Variants in CALN1 observed in about 807,000 individuals in gnomAD.
CALN1 encodes calcium-binding protein 8.
CALN1 carries 17 observed loss-of-function variants against 30.6 expected under a neutral mutation model. The ratio of observed to expected loss-of-function variants is 0.56; its 90% CI spans 0.38 to 0.83. CALN1 has a LOEUF of 0.83. Among genes scored for constraint, CALN1 ranks in the 40% least tolerant of loss-of-function variants. The pLI, the probability that CALN1 is intolerant of heterozygous loss-of-function variation, is 0.00. For synonymous variants in CALN1, 156 were observed against 131.4 expected, an observed-to-expected ratio of 1.19 and a Z score of -1.28; for missense variants, 291 against 354.9, an observed-to-expected ratio of 0.82 and a Z score of 1.45.
chr7:72,278,553 T>G, intron 3 of CALN1, 133 bp downstream of exon 3: 1 of 1,194,066 alleles, frequency 8.4e-7, no homozygotes, highest in South Asian at 1.4e-5. Flanking sequence ...CTCTTTCCCA[T>G]TATGCCATGG....
intron 2 of CALN1, among the ~76,000 whole-genome samples, chr7:72,342,263 A>G (rs1352507055): frequency 6.6e-6 from 1 of 151,566 alleles, no homozygotes; most frequent in Non-Finnish European, 1.5e-5. Flanking sequence ...TGTCTCAAAA[A>G]AAAAAAAAAA....
At chr7:72,073,735 C>T (rs1804553321) in intron 4 of CALN1, among the ~76,000 whole-genome samples, 1 of 151,642 alleles carries the variant, frequency 6.6e-6, no homozygotes, top group South Asian at 2.1e-4. Context: ...ATTCTGTCAC[C>T]CAGGCTGGAG....
intron 6 of CALN1, among the ~76,000 whole-genome samples, chr7:71,806,641 A>C (rs367740967): frequency 6.6e-6 from 1 of 152,324 alleles, no homozygotes; most frequent in South Asian, 2.1e-4. Flanking sequence ...TGAACAGTAT[A>C]AAACATTAAG....
chr7:71,815,565 ATGCT>A (rs1461654099), intron 5 of CALN1, among the ~76,000 whole-genome samples: 2 of 152,186 alleles, frequency 1.3e-5, no homozygotes, highest in African/African-American at 4.8e-5. Context: ...TGAGAAATAA[ATGCT>A]TGCTGCTAAC....
At chr7:72,379,549 C>A (rs554007049) in intron 2 of CALN1, among the ~76,000 whole-genome samples, 21 of 152,328 alleles carry the variant, frequency 1.4e-4, no homozygotes, top group African/African-American at 5.0e-4. Flanking sequence ...CTGACTATAG[C>A]TGGCAATTTC....
chr7:72,381,758 T>C (rs1317984535), intron 2 of CALN1, among the ~76,000 whole-genome samples: 1 of 152,114 alleles, frequency 6.6e-6, no homozygotes, highest in Non-Finnish European at 1.5e-5. Context: ...CATGCAGGGC[T>C]TAAAACCTAG....
intron 3 of CALN1, among the ~76,000 whole-genome samples, chr7:72,253,151 C>CTGATTGATCATTTTGGTTT (rs1795681624): frequency 6.6e-6 from 1 of 152,128 alleles, no homozygotes; most frequent in Non-Finnish European, 1.5e-5. Context: ...GGACCTCTGT[C>CTGATTGATCATTTTGGTTT]TGATTGATCA....
intron 3 of CALN1, among the ~76,000 whole-genome samples, chr7:72,191,269 C>G (rs17144373): frequency 6.6e-6 from 1 of 151,818 alleles, no homozygotes; most frequent in Non-Finnish European, 1.5e-5. Flanking sequence ...GCAATTTAGG[C>G]GGAAGCTACA....
chr7:72,319,022 C>T (rs1800689382), intron 2 of CALN1, among the ~76,000 whole-genome samples: 1 of 152,020 alleles, frequency 6.6e-6, no homozygotes, highest in Non-Finnish European at 1.5e-5. Context: ...TCCAACAATC[C>T]CACTACTGGG....
At chr7:72,004,419 A>G (rs1210082923) in intron 5 of CALN1, among the ~76,000 whole-genome samples, 1 of 152,218 alleles carries the variant, frequency 6.6e-6, no homozygotes, top group Admixed American at 6.5e-5. Flanking sequence ...TAAAACATAG[A>G]ACTATAAAAC....
At chr7:72,074,440 C>T (rs1852088) in intron 4 of CALN1, among the ~76,000 whole-genome samples, 34,448 of 151,986 alleles carry the variant, frequency 0.23, 4,853 homozygotes, top group East Asian at 0.69. Context: ...CAGGGTCTCG[C>T]TCTGTCAACC....
chr7:71,961,769 T>C (rs906172420), intron 5 of CALN1, among the ~76,000 whole-genome samples: 1 of 152,052 alleles, frequency 6.6e-6, no homozygotes, highest in South Asian at 2.1e-4. Flanking sequence ...GGCAAGAAAT[T>C]CAAGGGCAGC....
At chr7:72,127,838 C>A (rs1281858292) in intron 3 of CALN1, among the ~76,000 whole-genome samples, 1 of 152,070 alleles carries the variant, frequency 6.6e-6, no homozygotes, top group African/African-American at 2.4e-5. Context: ...CAGAGCAAAT[C>A]TTAAATGCAC....
chr7:71,945,990 A>AG (rs1796387818), intron 5 of CALN1, among the ~76,000 whole-genome samples: 1 of 152,108 alleles, frequency 6.6e-6, no homozygotes, highest in Non-Finnish European at 1.5e-5. Context: ...AGGCTTCTGA[A>AG]GGACTTCCCC....
rs202044899 is a variant in CALN1, at chr7:72,048,040, TC to T, written c.389-24272del. On this transcript the variant is annotated intron_variant, in intron 4 of 6. Transcript: ENST00000395275. ...CATTCATATTGCTTCTTCTTCTTCTTCTTTTTTTTTTTTTTTTGAGACAGAG... is the reference window on the plus strand; with the variant it reads ...CATTCATATTGCTTCTTCTTCTTCTTTTTTTTTTTTTTTTTTGAGACAGAG... 6.3e-4 allele frequency among the ~76,000 whole-genome samples: 90 copies of T among 143,512 alleles called. 2 individuals are homozygous for T. The highest frequency in any genetic ancestry group is 1.3e-3 in the East Asian group (6 of 4,680). The allele number at this position is 143,512 out of a possible 152,430, so 94.1% of individuals were successfully genotyped here.
intron 5 of CALN1, among the ~76,000 whole-genome samples, chr7:71,896,599 G>A (rs769022): frequency 0.21 from 32,000 of 152,090 alleles, 3,571 homozygotes; most frequent in African/African-American, 0.25. Context: ...CAGGATAGGA[G>A]GGCCTTGTGT....
intron 2 of CALN1, among the ~76,000 whole-genome samples, chr7:72,310,072 G>C (rs1361682737): frequency 6.6e-6 from 1 of 152,060 alleles, no homozygotes; most frequent in East Asian, 1.9e-4. Context: ...CTAGCTGACT[G>C]TTATAACGTC....
At chr7:72,499,778 CT>C in the CALN1 span, among the ~76,000 whole-genome samples, 1 of 36,248 alleles carries the variant, frequency 2.8e-5, no homozygotes, top group Non-Finnish European at 4.8e-5. Context: ...TCTTTCTTTC[CT>C]TCCTTCCTTC....
chr7:72,328,295 T>TG (rs1174101906), intron 2 of CALN1, among the ~76,000 whole-genome samples: 1 of 152,140 alleles, frequency 6.6e-6, no homozygotes, highest in Non-Finnish European at 1.5e-5. Flanking sequence ...AATTGAATCA[T>TG]GGGGGTGGTT....
Sources: gnomAD v4.1 joint callset for allele counts (sites outside exome capture counted in the v4.1 genomes callset) on GRCh38, gnomAD v4.1.1 for gene constraint, MANE v1.5 for transcripts, NCBI Gene and HGNC (gene_info 2026-07-23, HGNC 2026-07-21) for gene names.